ZBTB20: variants seen among roughly 807,000 people sequenced by gnomAD.
ZBTB20 encodes the protein zinc finger and BTB domain-containing protein 20.
In ZBTB20, 9 loss-of-function variants were observed where a neutral mutation model predicts 56.9. The ratio of observed to expected loss-of-function variants is 0.16; its 90% confidence interval spans 0.10 to 0.28. The LOEUF (loss-of-function observed/expected upper bound fraction) is 0.28, where lower values mean the gene tolerates loss of function less well. ZBTB20 is among the 10% of genes least tolerant of loss of function. ZBTB20 has a pLI of 1.00. For synonymous variants in ZBTB20, 417 were observed against 420.7 expected, an observed-to-expected ratio of 0.99 and a Z score of 0.11; for missense variants, 655 against 1,003.0, an observed-to-expected ratio of 0.65 and a Z score of 4.69.
At chr3:115,126,818 T>C (rs969773433) in intron 1 of ZBTB20, among the ~76,000 whole-genome samples, 4 of 152,220 alleles carry the variant, frequency 2.6e-5, no homozygotes, top group Non-Finnish European at 5.9e-5. Flanking sequence ...GTTTTGATGT[T>C]CTAATACTTT....
chr3:114,688,627 G>A (rs752850458), intron 6 of ZBTB20, among the ~76,000 whole-genome samples: 4 of 152,146 alleles, frequency 2.6e-5, no homozygotes, highest in Non-Finnish European at 5.9e-5. Context: ...TGTGCAATGT[G>A]TACAGCAACA....
chr3:115,106,730 T>C (rs2083734219), intron 1 of ZBTB20, among the ~76,000 whole-genome samples: 1 of 152,136 alleles, frequency 6.6e-6, no homozygotes, highest in Non-Finnish European at 1.5e-5. Flanking sequence ...AGTACATTTA[T>C]TATGGCCAGA....
intron 7 of ZBTB20, among the ~76,000 whole-genome samples, chr3:114,434,686 T>C (rs922734579): frequency 5.3e-5 from 8 of 152,114 alleles, no homozygotes; most frequent in African/African-American, 9.7e-5. Flanking sequence ...TTTGATTCAA[T>C]GGTGCTTACA....
chr3:114,978,416 T>C (rs946411523), intron 2 of ZBTB20, among the ~76,000 whole-genome samples: 2 of 151,022 alleles, frequency 1.3e-5, no homozygotes, highest in Admixed American at 1.3e-4. Context: ...GAAATGCAAA[T>C]TAAATAAACT....
intron 5 of ZBTB20, among the ~76,000 whole-genome samples, chr3:114,734,296 A>G (rs144869279): frequency 1.3e-5 from 2 of 152,090 alleles, no homozygotes; most frequent in African/African-American, 2.4e-5. Flanking sequence ...CTGGAGACCA[A>G]TGTGTTATTA....
At chr3:114,535,045 T>C (rs2048308058) in intron 6 of ZBTB20, among the ~76,000 whole-genome samples, 1 of 152,076 alleles carries the variant, frequency 6.6e-6, no homozygotes, top group African/African-American at 2.4e-5. Flanking sequence ...ACAGGAAAGA[T>C]CTAAAATTGA....
At position 115,064,037 on chromosome 3, in the gene ZBTB20, G is replaced by A. The variant is rs192097503; in HGVS notation, c.-507+7182C>T. ...CCCCACATTCCCAAGGTTTGCAACA[G>A]AAATGTAAAACCTCTATAAATATAA... On this transcript the variant is annotated intron_variant, in intron 2 of 11. Coordinates refer to ENST00000675478, the MANE Select transcript of ZBTB20 (RefSeq NM_001348800.3). Among the ~76,000 whole-genome samples, 760 of 152,180 alleles carry A rather than the reference G, an allele frequency of 5.0e-3. 4 individuals carry two copies. Among genetic ancestry groups the A allele is most frequent in the Middle Eastern group, 0.01 (3 of 294 alleles).
intron 6 of ZBTB20, among the ~76,000 whole-genome samples, chr3:114,624,360 A>AC (rs1553770212): frequency 2.6e-4 from 39 of 148,616 alleles, no homozygotes; most frequent in African/African-American, 6.2e-4. Context: ...AAGAGAAACA[A>AC]AAAAAAAAAA....
intron 4 of ZBTB20, among the ~76,000 whole-genome samples, chr3:114,815,303 T>C (rs1474275509): frequency 6.6e-6 from 1 of 152,200 alleles, no homozygotes; most frequent in East Asian, 1.9e-4. Flanking sequence ...TTCGTGACTA[T>C]GACATGAATA....
chr3:114,724,372 C>A (rs1430681528), intron 5 of ZBTB20, among the ~76,000 whole-genome samples: 1 of 152,212 alleles, frequency 6.6e-6, no homozygotes, highest in African/African-American at 2.4e-5. Flanking sequence ...ATCATAGAAT[C>A]TCAGAGTTTG....
At chr3:114,636,854 A>G (rs542578422) in intron 6 of ZBTB20, among the ~76,000 whole-genome samples, 2 of 152,132 alleles carry the variant, frequency 1.3e-5, no homozygotes, top group Admixed American at 1.3e-4. Context: ...CCCAATCAAA[A>G]GATACAAACT....
intron 7 of ZBTB20, among the ~76,000 whole-genome samples, chr3:114,420,743 A>G (rs2089083284): frequency 6.6e-6 from 1 of 152,132 alleles, no homozygotes; most frequent in Admixed American, 6.6e-5. Flanking sequence ...ATTCCATCTC[A>G]TGTTATAGAA....
chr3:114,843,717 C>A (rs2074505122), intron 4 of ZBTB20, among the ~76,000 whole-genome samples: 1 of 152,012 alleles, frequency 6.6e-6, no homozygotes, highest in South Asian at 2.1e-4. Context: ...CACTCTGTCG[C>A]CCAGGCTGGA....
intron 6 of ZBTB20, among the ~76,000 whole-genome samples, chr3:114,563,350 A>G (rs2052333857): frequency 1.3e-5 from 2 of 152,210 alleles, no homozygotes; most frequent in Non-Finnish European, 2.9e-5. Flanking sequence ...GATGAAAATA[A>G]GGTACATTAT....
intron 7 of ZBTB20, among the ~76,000 whole-genome samples, chr3:114,457,763 A>G (rs2092108762): frequency 6.6e-6 from 1 of 152,190 alleles, no homozygotes; most frequent in South Asian, 2.1e-4. Context: ...AAACTGAGGT[A>G]TAGAAAGATT....
chr3:114,725,040 A>T (rs1373238239), intron 5 of ZBTB20, among the ~76,000 whole-genome samples: 1 of 152,174 alleles, frequency 6.6e-6, no homozygotes, highest in Non-Finnish European at 1.5e-5. Context: ...GGTGATTCTG[A>T]CTCAGGGTCA....
chr3:114,869,774 T>C (rs1439450434), intron 4 of ZBTB20, among the ~76,000 whole-genome samples: 2 of 152,226 alleles, frequency 1.3e-5, no homozygotes, highest in East Asian at 1.9e-4. Flanking sequence ...TTCTAATCTT[T>C]GTGTAGCCAT....
chr3:114,993,642 A>G (rs994196921), intron 2 of ZBTB20, among the ~76,000 whole-genome samples: 1 of 151,884 alleles, frequency 6.6e-6, no homozygotes, highest in Non-Finnish European at 1.5e-5. Flanking sequence ...TAGAAACTAA[A>G]AAAACATTCA....
chr3:114,537,192 T>C (rs997427762), intron 6 of ZBTB20, among the ~76,000 whole-genome samples: 2 of 151,938 alleles, frequency 1.3e-5, no homozygotes, highest in Non-Finnish European at 2.9e-5. Context: ...ATCATCAGAG[T>C]GAACAGGCAA....
Sources: allele counts gnomAD v4.1 joint callset (sites outside exome capture counted in the v4.1 genomes callset), GRCh38; gene constraint gnomAD v4.1.1; transcripts MANE v1.5; gene names NCBI Gene and HGNC (gene_info 2026-07-23, HGNC 2026-07-21).